Variants in SHANK2 observed in about 807,000 individuals in gnomAD.
SHANK2 encodes SH3 and multiple ankyrin repeat domains 2.
Under a neutral mutation model 133.7 loss-of-function variants are expected in SHANK2, and 43 were observed. The ratio of observed to expected loss-of-function variants is 0.32; its 90% confidence interval spans 0.25 to 0.41. The LOEUF (loss-of-function observed/expected upper bound fraction) is 0.41. SHANK2 is among the 10% of genes least tolerant of loss of function. SHANK2 has a pLI of 1.00. For missense variants in SHANK2, 1,994 were observed against 2,235.8 expected (o/e 0.89, Z 2.18); for synonymous variants, 1,017 against 952.8 (o/e 1.07, Z -1.24).
In SHANK2 at chr11:70,487,889, G is replaced by A. The variant is rs997288503; in HGVS notation, c.2573-169C>T. Among the ~76,000 whole-genome samples the A allele has an allele frequency of 2.0e-5, 3 of 152,200 alleles. No homozygotes were observed. Among genetic ancestry groups the A allele is most frequent in the East Asian group, 1.9e-4 (1 of 5,194 alleles). ...TGCCGAGTGGTTAGTCACATGGCCC[G>A]TCGTGAGCCAAAGGACAAGAAAGGG... On this transcript the variant is annotated intron_variant, in intron 24 of 25. Transcript: ENST00000601538. The surrounding 1 kb of genome is among the most constrained non-coding windows in gnomAD (Gnocchi z 5.8).
chr11:71,077,758 C>T (rs930720929), intron 8 of SHANK2, among the ~76,000 whole-genome samples: 4,594 of 152,092 alleles, frequency 0.03, 240 homozygotes, highest in African/African-American at 0.1. Flanking sequence ...GGTCCACAGA[C>T]GGCTGCACGC....
chr11:70,580,439 G>C (rs529260793), intron 17 of SHANK2, among the ~76,000 whole-genome samples: 1 of 152,204 alleles, frequency 6.6e-6, no homozygotes, highest in Non-Finnish European at 1.5e-5. Flanking sequence ...GCTCAATCGC[G>C]TCCCTTACCC....
At chr11:70,629,970 C>T (rs1258039812) in intron 17 of SHANK2, among the ~76,000 whole-genome samples, 1 of 152,210 alleles carries the variant, frequency 6.6e-6, no homozygotes, top group African/African-American at 2.4e-5. Flanking sequence ...TAGGAGTGAC[C>T]AGGAGACCCC....
At chr11:70,737,906 A>T (rs975449971) in intron 14 of SHANK2, among the ~76,000 whole-genome samples, 2 of 152,254 alleles carry the variant, frequency 1.3e-5, no homozygotes, top group Admixed American at 1.3e-4. Flanking sequence ...TTCCAGGGTG[A>T]GCATGTGTGA....
intron 14 of SHANK2, chr11:70,705,136 G>A (rs1555024611): frequency 6.6e-6 from 1 of 152,236 alleles, no homozygotes; most frequent in Non-Finnish European, 1.5e-5. Context: ...CCAAACCACA[G>A]AGATTGGGGA....
chr11:70,760,453 T>G (rs1374872124), intron 14 of SHANK2, among the ~76,000 whole-genome samples: 1 of 152,242 alleles, frequency 6.6e-6, no homozygotes, highest in African/African-American at 2.4e-5. Context: ...TAAGGTCACC[T>G]GCCATTGGAT....
intron 17 of SHANK2, among the ~76,000 whole-genome samples, chr11:70,613,413 T>C (rs753984164): frequency 5.3e-5 from 8 of 151,948 alleles, no homozygotes; most frequent in Non-Finnish European, 1.0e-4. Flanking sequence ...CCGTGTTAGC[T>C]AGGATGGTCT....
In SHANK2 at chr11:71,220,280, G is replaced by A. The variant is rs185550604; in HGVS notation, c.-13+4417C>T. 7.1e-4 allele frequency among the ~76,000 whole-genome samples: 108 copies of A among 152,202 alleles called. 2 individuals are homozygous for A. Among genetic ancestry groups the A allele is most frequent in the Non-Finnish European group, 1.0e-4 (7 of 68,008 alleles). On this transcript the variant is annotated intron_variant, in intron 2 of 25. Transcript: ENST00000601538. ...AACAAACAAACAAAACAAAATACGAGTGTTGGCAAGGATGTGGGAAATTGG... is the reference window on the plus strand; with the variant it reads ...AACAAACAAACAAAACAAAATACGAATGTTGGCAAGGATGTGGGAAATTGG...
chr11:71,194,064 G>A (rs763500426), intron 2 of SHANK2, among the ~76,000 whole-genome samples: 3 of 152,258 alleles, frequency 2.0e-5, no homozygotes, highest in East Asian at 1.9e-4. Context: ...GAGCAAGATC[G>A]TTCCCATTTT....
At chr11:71,238,394 A>G (rs1954849271) in intron 1 of SHANK2, among the ~76,000 whole-genome samples, 1 of 152,210 alleles carries the variant, frequency 6.6e-6, no homozygotes, top group African/African-American at 2.4e-5. Flanking sequence ...AAATTACCTT[A>G]TTTAATGCTC....
At chr11:70,767,878 G>A (rs1375790000) in intron 14 of SHANK2, among the ~76,000 whole-genome samples, 2 of 152,170 alleles carry the variant, frequency 1.3e-5, no homozygotes, top group African/African-American at 4.8e-5. Context: ...TTCCAGAATG[G>A]TCTGCTGGGG....
chr11:70,583,410 C>A (rs566726675), intron 17 of SHANK2, among the ~76,000 whole-genome samples: 1 of 152,082 alleles, frequency 6.6e-6, no homozygotes, highest in East Asian at 1.9e-4. Flanking sequence ...CCCTGATCTT[C>A]GGGGCTGTGG....
At chr11:71,186,835 C>T (rs1171910564) in intron 2 of SHANK2, among the ~76,000 whole-genome samples, 1 of 152,236 alleles carries the variant, frequency 6.6e-6, no homozygotes, top group African/African-American at 2.4e-5. Context: ...GGAAGGTGAT[C>T]AATGCCACTA....
Position 70,485,597 on chromosome 11 carries a change from C to G in SHANK2, c.4696G>C (p.Ala1566Pro). ...IHKSNALYQD[A>P]LVEEDVDSFV... ...CTATCTACATCTTCTTCCACGAGCG[C>G]GTCTTGATAAAGTGCATTGCTTTTG... The change falls in exon 25 of 26, where the codon GCG (alanine) becomes CCG (proline). Residue 1566 changes from alanine to proline, a missense_variant. Transcript: ENST00000601538. The surrounding 1 kb of genome is among the most constrained non-coding windows in gnomAD (Gnocchi z 5.8). 1.2e-6 allele frequency: 2 copies of G among 1,613,894 alleles called. No homozygotes were observed. The highest frequency in any genetic ancestry group is 4.5e-5 in the East Asian group (2 of 44,876).
At chr11:70,516,991 T>C (rs1345633904) in intron 17 of SHANK2, among the ~76,000 whole-genome samples, 1 of 152,168 alleles carries the variant, frequency 6.6e-6, no homozygotes, top group Non-Finnish European at 1.5e-5. Flanking sequence ...GAGAATCGCT[T>C]GAACCTGGGA....
chr11:70,768,857 C>T (rs1162288904), intron 14 of SHANK2, among the ~76,000 whole-genome samples: 1 of 152,170 alleles, frequency 6.6e-6, no homozygotes, highest in East Asian at 1.9e-4. Context: ...TCACCCTGCA[C>T]ATGGGAAGAG....
chr11:71,086,226 ATTAAATTATATAATATAT>A (rs1951410965), intron 8 of SHANK2, among the ~76,000 whole-genome samples: 1 of 54,946 alleles, frequency 1.8e-5, no homozygotes, highest in Non-Finnish European at 3.3e-5. Context: ...TATATAATAT[ATTAAATTATATAATATAT>A]TATGTTATAT....
At chr11:70,525,026 T>A (rs1382410030) in intron 17 of SHANK2, among the ~76,000 whole-genome samples, 1 of 152,236 alleles carries the variant, frequency 6.6e-6, no homozygotes, top group African/African-American at 2.4e-5. Context: ...CAGAGTAAGA[T>A]AAGGCTCTGT....
intron 15 of SHANK2, among the ~76,000 whole-genome samples, chr11:70,671,741 C>A (rs1328887316): frequency 1.3e-5 from 2 of 152,178 alleles, no homozygotes; most frequent in Non-Finnish European, 2.9e-5. Context: ...TCTCTGCACA[C>A]AGGGCTGTGG....
Sources: allele counts gnomAD v4.1 joint callset (sites outside exome capture counted in the v4.1 genomes callset), GRCh38; gene constraint gnomAD v4.1.1; non-coding constraint Gnocchi (gnomAD v3.1); transcripts MANE v1.5; gene names NCBI Gene and HGNC (gene_info 2026-07-23, HGNC 2026-07-21).